Variants in PARD3 observed in about 807,000 individuals in gnomAD.
The protein encoded by PARD3 is partitioning defective 3 homolog.
PARD3 carries 75 observed loss-of-function variants against 155.4 expected under a neutral mutation model. The observed-to-expected ratio is 0.48, with a 90% confidence interval of 0.40 to 0.58. The LOEUF (loss-of-function observed/expected upper bound fraction) is 0.58. Ranked by LOEUF, PARD3 falls within the 20% of genes least tolerant of loss-of-function variation. PARD3 has a pLI of 0.00. For missense variants in PARD3, 1,642 were observed against 1,721.7 expected (o/e 0.95, Z 0.82); for synonymous variants, 576 against 610.5 (o/e 0.94, Z 0.83).
chr10:34,783,672 T>A (rs1222948092), intron 1 of PARD3, among the ~76,000 whole-genome samples: 1 of 150,364 alleles, frequency 6.7e-6, no homozygotes, highest in African/African-American at 2.4e-5. Flanking sequence ...AACAAGTGAT[T>A]ATACAGTTTT....
At chr10:34,408,728 A>C (rs1266741274) in intron 5 of PARD3, among the ~76,000 whole-genome samples, 1 of 152,182 alleles carries the variant, frequency 6.6e-6, no homozygotes, top group Admixed American at 6.5e-5. Flanking sequence ...AAGAAATAAA[A>C]TCAGGAAATG....
intron 4 of PARD3, among the ~76,000 whole-genome samples, chr10:34,467,227 A>C (rs2078065080): frequency 1.3e-5 from 2 of 152,216 alleles, no homozygotes; most frequent in South Asian, 4.1e-4. Flanking sequence ...ACACTCATTA[A>C]AATATTGATA....
intron 7 of PARD3, among the ~76,000 whole-genome samples, chr10:34,393,072 C>G (rs1260292253): frequency 6.6e-6 from 1 of 150,760 alleles, no homozygotes; most frequent in Non-Finnish European, 1.5e-5. Flanking sequence ...GATTATCTGA[C>G]CCTTTACAGA....
chr10:34,156,528 T>C (rs1188902566), intron 22 of PARD3, among the ~76,000 whole-genome samples: 2 of 152,172 alleles, frequency 1.3e-5, no homozygotes, highest in Middle Eastern at 6.3e-3. Context: ...GTTTTTTAAG[T>C]TGGAACAAAA....
intron 3 of PARD3, among the ~76,000 whole-genome samples, chr10:34,499,980 G>C (rs1300301142): frequency 6.6e-6 from 1 of 152,150 alleles, no homozygotes. Flanking sequence ...GTATCATTTA[G>C]GGAACATCCA....
chr10:34,612,931 G>T (rs1468958114), intron 2 of PARD3, among the ~76,000 whole-genome samples: 1 of 152,078 alleles, frequency 6.6e-6, no homozygotes, highest in Non-Finnish European at 1.5e-5. Flanking sequence ...CTGTTTCTCT[G>T]TATCTTCAAT....
intron 19 of PARD3, among the ~76,000 whole-genome samples, chr10:34,318,721 G>A (rs1202099862): frequency 6.6e-6 from 1 of 152,086 alleles, no homozygotes; most frequent in Non-Finnish European, 1.5e-5. Context: ...TTGTTAAAAA[G>A]CCAGCTATTT....
intron 24 of PARD3, among the ~76,000 whole-genome samples, chr10:34,111,798 G>GT (rs1475030812): frequency 6.6e-6 from 1 of 152,174 alleles, no homozygotes; most frequent in Non-Finnish European, 1.5e-5. Context: ...GAACTAGACT[G>GT]TGCAGCTATT....
intron 2 of PARD3, among the ~76,000 whole-genome samples, chr10:34,569,910 A>C (rs1304505136): frequency 6.6e-6 from 1 of 151,586 alleles, no homozygotes; most frequent in Admixed American, 6.6e-5. Context: ...AAAAAAAAAA[A>C]CAGATTACAT....
intron 14 of PARD3, among the ~76,000 whole-genome samples, chr10:34,355,831 T>C (rs912342248): frequency 7.8e-5 from 11 of 141,594 alleles, no homozygotes; most frequent in African/African-American, 2.8e-4. Context: ...AGGCTGAGGC[T>C]GGAGAATCAC....
intron 2 of PARD3, among the ~76,000 whole-genome samples, chr10:34,602,453 T>C (rs1404137916): frequency 6.6e-6 from 1 of 152,174 alleles, no homozygotes; most frequent in Non-Finnish European, 1.5e-5. Context: ...GGTGTAAAAA[T>C]AATCCATGCT....
At chr10:34,602,834 A>C (rs2089908561) in intron 2 of PARD3, among the ~76,000 whole-genome samples, 1 of 152,204 alleles carries the variant, frequency 6.6e-6, no homozygotes, top group South Asian at 2.1e-4. Flanking sequence ...TCAAGCCTTC[A>C]CTATATATCC....
intron 1 of PARD3, among the ~76,000 whole-genome samples, chr10:34,814,038 C>T (rs1844562690): frequency 6.6e-6 from 1 of 152,218 alleles, no homozygotes; most frequent in African/African-American, 2.4e-5. Context: ...GGGAAATCCA[C>T]TCAACTCCCA....
At chr10:34,389,697 C>T (rs990212977) in intron 7 of PARD3, among the ~76,000 whole-genome samples, 5 of 152,160 alleles carry the variant, frequency 3.3e-5, no homozygotes, top group Admixed American at 6.5e-5. Context: ...CAACAAGAAC[C>T]GCTCAGCTCC....
chr10:34,190,122 C>T (rs1462322754), intron 22 of PARD3, among the ~76,000 whole-genome samples: 2 of 152,164 alleles, frequency 1.3e-5, no homozygotes, highest in African/African-American at 4.8e-5. Context: ...TTTAAGGTAG[C>T]TGTAAGAAAA....
At chr10:34,569,896 C>A (rs1284480133) in intron 2 of PARD3, among the ~76,000 whole-genome samples, 115 of 132,374 alleles carry the variant, frequency 8.7e-4, no homozygotes, top group African/African-American at 7.3e-4. Flanking sequence ...CCTACTCAAG[C>A]AAAAAAAAAA....
At chr10:34,587,828 C>T (rs947710857) in intron 2 of PARD3, among the ~76,000 whole-genome samples, 3 of 152,098 alleles carry the variant, frequency 2.0e-5, no homozygotes, top group Non-Finnish European at 4.4e-5. Context: ...CAAATCATTG[C>T]GGATAAGTGC....
chr10:34,717,054 A>C (rs1360746464), intron 1 of PARD3, among the ~76,000 whole-genome samples: 3 of 152,158 alleles, frequency 2.0e-5, no homozygotes, highest in Non-Finnish European at 4.4e-5. Flanking sequence ...CGGGGATACC[A>C]AAAGATTGGA....
At chr10:34,564,156 AT>A (rs1387262977) in intron 2 of PARD3, among the ~76,000 whole-genome samples, 5 of 152,218 alleles carry the variant, frequency 3.3e-5, no homozygotes, top group Admixed American at 6.5e-5. Context: ...ACCCCAAAGC[AT>A]TTTTTATGAG....
Sources: gnomAD v4.1 joint callset for allele counts (sites outside exome capture counted in the v4.1 genomes callset) on GRCh38, gnomAD v4.1.1 for gene constraint, MANE v1.5 for transcripts, NCBI Gene and HGNC (gene_info 2026-07-23, HGNC 2026-07-21) for gene names.